The following CADPS2 variants were observed in gnomAD, a reference collection of about 807,000 sequenced individuals.
The protein encoded by CADPS2 is calcium-dependent secretion activator 2.
Under a neutral mutation model 172.5 loss-of-function variants are expected in CADPS2, and 93 were observed. The ratio of observed to expected loss-of-function variants is 0.54; its 90% CI spans 0.46 to 0.64. The LOEUF (loss-of-function observed/expected upper bound fraction) is 0.64. Ranked by LOEUF, CADPS2 falls within the 30% of genes least tolerant of loss-of-function variation. The pLI, the probability that CADPS2 is intolerant of heterozygous loss-of-function variation, is 0.00. For synonymous variants in CADPS2, 546 were observed against 555.2 expected (o/e 0.98, Z 0.23); for missense variants, 1,420 against 1,565.9 (o/e 0.91, Z 1.57).
At chr7:122,518,399 T>C (rs2060532221) in intron 8 of CADPS2, among the ~76,000 whole-genome samples, 1 of 152,158 alleles carries the variant, frequency 6.6e-6, no homozygotes. Context: ...GAAATGGCAT[T>C]AATTTAACAG....
intron 1 of CADPS2, among the ~76,000 whole-genome samples, chr7:122,792,791 G>A (rs1795560656): frequency 6.6e-6 from 1 of 152,072 alleles, no homozygotes; most frequent in Non-Finnish European, 1.5e-5. Flanking sequence ...CTCACCCTAG[G>A]CCAAGAAACA....
At chr7:122,364,012 G>A (rs1204263660) in intron 25 of CADPS2, among the ~76,000 whole-genome samples, 1 of 152,136 alleles carries the variant, frequency 6.6e-6, no homozygotes, top group African/African-American at 2.4e-5. Context: ...AAGGAGGAAG[G>A]CTTTAAACAC....
chr7:122,749,361 A>C (rs1200361713), intron 1 of CADPS2, among the ~76,000 whole-genome samples: 1 of 152,156 alleles, frequency 6.6e-6, no homozygotes, highest in Non-Finnish European at 1.5e-5. Flanking sequence ...GAAGAAGGGT[A>C]GTCAGAGAAC....
rs1804905290 is a variant in CADPS2 at position 122,826,469 on chromosome 7, A to T, written c.339+59530T>A. On this transcript the variant is annotated intron_variant, in intron 1 of 29. Coordinates refer to ENST00000449022, the MANE Select transcript of CADPS2 (RefSeq NM_017954.11). ...TCAAACTAAATGAAAAGAGATAATC[A>T]ACAGAAATGACAGAAATGTTAGATT... is the stretch of plus-strand genomic sequence containing the variant. Among the ~76,000 whole-genome samples the T allele has an allele frequency of 1.3e-5, 2 of 152,350 alleles. 1 individual carries two copies. Among genetic ancestry groups the T allele is most frequent in the South Asian group, 4.1e-4 (2 of 4,832 alleles).
intron 7 of CADPS2, among the ~76,000 whole-genome samples, chr7:122,574,907 T>C (rs1030634787): frequency 2.6e-5 from 4 of 152,050 alleles, no homozygotes; most frequent in African/African-American, 7.2e-5. Context: ...ATCTTTACGA[T>C]GGAGAGAACT....
intron 14 of CADPS2, among the ~76,000 whole-genome samples, chr7:122,469,416 C>G (rs1405942975): frequency 6.6e-6 from 1 of 152,128 alleles, no homozygotes; most frequent in Non-Finnish European, 1.5e-5. Flanking sequence ...TTGATATCCC[C>G]TAGTCAGAAG....
chr7:122,748,936 A>T (rs1459954293), intron 1 of CADPS2, among the ~76,000 whole-genome samples: 11 of 152,094 alleles, frequency 7.2e-5, no homozygotes, highest in Non-Finnish European at 1.3e-4. Flanking sequence ...AGAATTCCAG[A>T]GTTAGTTAAT....
At chr7:122,624,629 T>C (rs1475450736) in intron 4 of CADPS2, among the ~76,000 whole-genome samples, 1 of 152,204 alleles carries the variant, frequency 6.6e-6, no homozygotes, top group Non-Finnish European at 1.5e-5. Flanking sequence ...GCAGATTCAG[T>C]TATCCTTACC....
intron 7 of CADPS2, among the ~76,000 whole-genome samples, chr7:122,555,894 A>G (rs2064975062): frequency 6.6e-6 from 1 of 152,110 alleles, no homozygotes; most frequent in Non-Finnish European, 1.5e-5. Flanking sequence ...CAGTATAAGC[A>G]GAAATCTTCA....
intron 8 of CADPS2, among the ~76,000 whole-genome samples, chr7:122,527,617 A>AGAGAGAGTGTGT: frequency 7.2e-4 from 60 of 83,872 alleles, no homozygotes; most frequent in Middle Eastern, 7.5e-3. Context: ...AGAGAGAGAG[A>AGAGAGAGTGTGT]GTGTGTGTGT....
At chr7:122,794,346 A>C (rs1056853584) in intron 1 of CADPS2, among the ~76,000 whole-genome samples, 1 of 151,990 alleles carries the variant, frequency 6.6e-6, no homozygotes, top group South Asian at 2.1e-4. Flanking sequence ...TATTTCAGAA[A>C]GCCAGACTTC....
intron 6 of CADPS2, among the ~76,000 whole-genome samples, chr7:122,601,437 C>A (rs1334999040): frequency 2.0e-5 from 3 of 151,920 alleles, no homozygotes; most frequent in Admixed American, 2.0e-4. Context: ...GAAGTCTGAG[C>A]CAGGAACACG....
chr7:122,487,257 C>CA (rs1464610750), intron 11 of CADPS2, among the ~76,000 whole-genome samples: 1 of 151,974 alleles, frequency 6.6e-6, no homozygotes, highest in African/African-American at 2.4e-5. Flanking sequence ...AGATCCCCCC[C>CA]ACCTCGACCT....
intron 27 of CADPS2, among the ~76,000 whole-genome samples, chr7:122,352,120 T>G (rs1182270802): frequency 6.6e-6 from 1 of 152,200 alleles, no homozygotes; most frequent in Non-Finnish European, 1.5e-5. Context: ...GTTAGATCAC[T>G]AACATCCCAG....
intron 20 of CADPS2, among the ~76,000 whole-genome samples, chr7:122,398,239 CAATTAATAACAATTACTGAG>C (rs2045430883): frequency 6.6e-6 from 1 of 152,036 alleles, no homozygotes; most frequent in Non-Finnish European, 1.5e-5. Flanking sequence ...AACTATGATC[CAATTAATAACAATTACTGAG>C]ACAATAATCA....
chr7:122,729,295 T>A (rs941745442), intron 2 of CADPS2, among the ~76,000 whole-genome samples: 7 of 151,882 alleles, frequency 4.6e-5, no homozygotes, highest in African/African-American at 1.7e-4. Flanking sequence ...TGATTCCACA[T>A]CTTTGCTATT....
intron 2 of CADPS2, among the ~76,000 whole-genome samples, chr7:122,718,743 C>A (rs1284448633): frequency 1.3e-5 from 2 of 152,064 alleles, no homozygotes; most frequent in African/African-American, 4.8e-5. Context: ...CAAGCTGAAG[C>A]GCTGACCACT....
intron 24 of CADPS2, among the ~76,000 whole-genome samples, chr7:122,383,150 C>T (rs2043218299): frequency 6.6e-6 from 1 of 152,008 alleles, no homozygotes; most frequent in South Asian, 2.1e-4. Flanking sequence ...ACTAGACAGC[C>T]ATAAAAAAGT....
intron 11 of CADPS2, 98 bp from the exon 12 acceptor site, chr7:122,480,958 T>G: frequency 1.0e-6 from 1 of 982,540 alleles, no homozygotes; most frequent in Non-Finnish European, 1.4e-6. Context: ...TTTTCTCAAT[T>G]TCTACTCATG....
Sources: gnomAD v4.1 joint callset for allele counts (sites outside exome capture counted in the v4.1 genomes callset) on GRCh38, gnomAD v4.1.1 for gene constraint, MANE v1.5 for transcripts, NCBI Gene and HGNC (gene_info 2026-07-23, HGNC 2026-07-21) for gene names.